SUDS3: variants seen among roughly 807,000 people sequenced by gnomAD.
SUDS3 encodes SIN3A corepressor complex component SDS3, also known as sin3 histone deacetylase corepressor complex component SDS3.
SUDS3 carries 23 observed loss-of-function variants against 53.5 expected under a neutral mutation model. The ratio of observed to expected loss-of-function variants is 0.43; its 90% confidence interval spans 0.31 to 0.61. The LOEUF is 0.61. Ranked by LOEUF, SUDS3 falls within the 20% of genes least tolerant of loss-of-function variation. SUDS3 has a pLI of 0.10. For synonymous variants in SUDS3, 150 were observed against 148.5 expected, an observed-to-expected ratio of 1.01 and a Z score of -0.08; for missense variants, 291 against 405.9, an observed-to-expected ratio of 0.72 and a Z score of 2.43.
intron 6 of SUDS3, among the ~76,000 whole-genome samples, chr12:118,395,230 T>G (rs986821662): frequency 7.8e-4 from 111 of 142,694 alleles, no homozygotes; most frequent in Non-Finnish European, 1.4e-3. Context: ...TTTTTTTTTT[T>G]TTTTTTTTTT....
chr12:118,392,709 T>C (rs1242755664), intron 6 of SUDS3, among the ~76,000 whole-genome samples: 1 of 152,226 alleles, frequency 6.6e-6, no homozygotes, highest in East Asian at 1.9e-4. Context: ...TGACTGGCAT[T>C]GATGCCTCAT....
chr12:118,414,892 C>CCAATTCACT lies in SUDS3; in HGVS notation c.*460_*468dup, dbSNP rs1431720563. The CCAATTCACT allele has an allele frequency of 6.6e-6, 1 of 152,506 alleles. No individual in the cohort carries two copies. The highest frequency in any genetic ancestry group is 1.5e-5 in the Non-Finnish European group (1 of 68,304). The allele number at this position is 152,506 out of a possible 1,614,324, so 9.4% of individuals were successfully genotyped here. On this transcript the variant is annotated 3_prime_UTR_variant, in exon 12 of 12. Coordinates refer to ENST00000543473, the MANE Select transcript of SUDS3 (RefSeq NM_022491.3). ...CACGTAGCTACTTTCCCTGTCGCGT[C>CCAATTCACT]CAATTCACTATTTGCCCAGAAGCTT...
intron 5 of SUDS3, 187 bp from the exon 6 acceptor site, chr12:118,390,939 G>T: frequency 2.8e-6 from 2 of 719,982 alleles, no homozygotes. Context: ...TCAAAAATAA[G>T]CAAAAGTCAC....
Position 118,403,435 on chromosome 12 carries a change from T to C in SUDS3, c.721T>C (p.Leu241=). 2 of 1,613,736 alleles carry C rather than the reference T, an allele frequency of 1.2e-6. No homozygotes were observed. Among genetic ancestry groups the C allele is most frequent in the South Asian group, 1.1e-5 (1 of 90,914 alleles). ...RPASPSSPEH[L]PATPAESPAQ... ...AGCATCTCCATCCTCTCCTGAGCAC[T>C]TGCCTGCAACACCCGCGGAATCTCC... The change falls in exon 10 of 12, where the codon TTG becomes CTG. Residue 241 remains leucine, a synonymous_variant. Coordinates refer to ENST00000543473, the MANE Select transcript of SUDS3 (RefSeq NM_022491.3).
chr12:118,402,119 G>C (rs1370499118), intron 9 of SUDS3, 115 bp downstream of exon 9: 1 of 1,220,316 alleles, frequency 8.2e-7, no homozygotes, highest in African/African-American at 1.5e-5. Context: ...TTCATCATTT[G>C]CCTAAGAGTA....
rs1422607851 is a variant in SUDS3 at position 118,417,708 on chromosome 12, CT to C, written c.*3278del. Reference sequence around the variant, plus strand: ...TTTTTTTTTTAAAGAAAACAATAAACTTTCAAAGAGAAAACCAGCATGAAGT... The same window carrying C: ...TTTTTTTTTTAAAGAAAACAATAAACTTCAAAGAGAAAACCAGCATGAAGT... On this transcript the variant is annotated 3_prime_UTR_variant, in exon 12 of 12. Transcript: ENST00000543473. 2 of 147,572 alleles carry C rather than the reference CT, an allele frequency of 1.4e-5. No homozygotes were observed. Among genetic ancestry groups the C allele is most frequent in the Non-Finnish European group, 3.0e-5 (2 of 67,040 alleles). The allele number at this position is 147,572 out of a possible 1,614,324, so 9.1% of individuals were successfully genotyped here.
chr12:118,378,557 C>T (rs1377144433), intron 1 of SUDS3, among the ~76,000 whole-genome samples: 1 of 151,674 alleles, frequency 6.6e-6, no homozygotes, highest in Non-Finnish European at 1.5e-5. Flanking sequence ...TCTCAGCTCA[C>T]TGCAACTTCC....
Position 118,386,123 on chromosome 12 carries a change from A to G in SUDS3, c.278A>G (p.Gln93Arg). ...AAATGTTCAAAATCAGGTACATTACAGGAATATCAGAAGAGAATGAAAAAA... is the reference window on the plus strand; with the variant it reads ...AAATGTTCAAAATCAGGTACATTACGGGAATATCAGAAGAGAATGAAAAAA... Reference protein sequence around the residue: ...QLQQLQEGTLQEYQKRMKKLD... With the variant: ...QLQQLQEGTLREYQKRMKKLD... Residue 93 changes from glutamine (Q) to arginine (R), a missense_variant, in exon 4 of 12, where the codon CAG becomes CGG. Around this residue, in one of 4 missense-constraint regions of SUDS3, gnomAD observed 149 missense variants for 146.5 expected, o/e 1.02. Coordinates refer to ENST00000543473, the MANE Select transcript of SUDS3 (RefSeq NM_022491.3). 1 of 1,596,048 alleles carries G rather than the reference A, an allele frequency of 6.3e-7. No individual in the cohort carries two copies.
chr12:118,403,087 A>G (rs556362823), intron 9 of SUDS3, among the ~76,000 whole-genome samples: 43 of 152,208 alleles, frequency 2.8e-4, no homozygotes, highest in Non-Finnish European at 5.0e-4. Flanking sequence ...AGAGATTTTC[A>G]TAATACTTGC....
chr12:118,376,573 G>T lies in SUDS3; in HGVS notation c.-119G>T, dbSNP rs891366435. On this transcript the variant is annotated 5_prime_UTR_variant, in exon 1 of 12. Transcript: ENST00000543473. ...GCTCGGCGGAGACGGGGAAGGGGTC[G>T]CCGTGGCTGCCGGTCCTCGAGTTGG... 4.9e-6 allele frequency: 6 copies of T among 1,212,592 alleles called. No homozygotes were observed. The highest frequency in any genetic ancestry group is 3.2e-5 in the South Asian group (1 of 31,094). 75.1% of individuals were successfully genotyped at this position (1,212,592 alleles called of 1,614,324 possible).
chr12:118,410,979 T>C, intron 10 of SUDS3, 94 bp from the exon 11 acceptor site: 4 of 971,498 alleles, frequency 4.1e-6, no homozygotes, highest in Non-Finnish European at 6.4e-6. Context: ...TCTTTAATTA[T>C]AATTTTTGTT....
intron 3 of SUDS3, among the ~76,000 whole-genome samples, chr12:118,384,625 G>T (rs922271919): frequency 1.3e-5 from 2 of 152,146 alleles, no homozygotes; most frequent in Non-Finnish European, 2.9e-5. Flanking sequence ...GAGGTCAGGA[G>T]ATCGAGACAA....
At chr12:118,390,709 A>G (rs2046158335) in intron 5 of SUDS3, among the ~76,000 whole-genome samples, 2 of 152,244 alleles carry the variant, frequency 1.3e-5, no homozygotes, top group Admixed American at 6.5e-5. Context: ...ATATATGTAT[A>G]CTTTGGGGTT....
chr12:118,400,024 T>C (rs2046250181), intron 6 of SUDS3, among the ~76,000 whole-genome samples: 1 of 151,826 alleles, frequency 6.6e-6, no homozygotes. Context: ...TGGGAGGAGC[T>C]ATTTGAAGGC....
chr12:118,405,413 G>A (rs1016553904), intron 10 of SUDS3, among the ~76,000 whole-genome samples: 1 of 152,066 alleles, frequency 6.6e-6, no homozygotes, highest in African/African-American at 2.4e-5. Flanking sequence ...TTTTTTTAAA[G>A]AAGAGATCCA....
At chr12:118,396,944 C>T (rs536143108) in intron 6 of SUDS3, among the ~76,000 whole-genome samples, 75 of 152,212 alleles carry the variant, frequency 4.9e-4, no homozygotes, top group Non-Finnish European at 1.0e-3. Flanking sequence ...GTGAGTAGAA[C>T]AGGAGGATTT....
At chr12:118,379,044 T>C (rs556657520) in intron 1 of SUDS3, among the ~76,000 whole-genome samples, 2 of 151,244 alleles carry the variant, frequency 1.3e-5, no homozygotes, top group South Asian at 2.1e-4. Flanking sequence ...ACTCCTGTCC[T>C]CAGGTGATTC....
rs534627806 is a variant in SUDS3, at chr12:118,388,888, C to G, written c.341-1039C>G. ...TCCTGGCCGTAGGCAGTGGCTCACG[C>G]CTGTAATCCCAGCACTCTGGGAGGC... On this transcript the variant is annotated intron_variant, in intron 4 of 11. Coordinates refer to ENST00000543473, the MANE Select transcript of SUDS3 (RefSeq NM_022491.3). Among the ~76,000 whole-genome samples, 202 of 152,304 alleles carry G rather than the reference C, an allele frequency of 1.3e-3. 1 individual carries two copies. Among genetic ancestry groups the G allele is most frequent in the Middle Eastern group, 6.8e-3 (2 of 294 alleles).
intron 6 of SUDS3, among the ~76,000 whole-genome samples, chr12:118,394,754 G>A (rs2046198664): frequency 1.3e-5 from 2 of 152,074 alleles, no homozygotes; most frequent in Admixed American, 6.5e-5. Flanking sequence ...TGGTGCCATC[G>A]GGGCTCACTG....
Sources: allele counts gnomAD v4.1 joint callset (sites outside exome capture counted in the v4.1 genomes callset), GRCh38; gene constraint gnomAD v4.1.1; regional missense constraint gnomAD v4.1.1; transcripts MANE v1.5; gene names NCBI Gene and HGNC (gene_info 2026-07-23, HGNC 2026-07-21).